The following USP24 variants were observed in gnomAD, a reference collection of about 807,000 sequenced individuals.
USP24 encodes ubiquitin carboxyl-terminal hydrolase 24.
USP24 carries 97 observed loss-of-function variants against 361.6 expected under a neutral mutation model. The observed-to-expected ratio is 0.27, with a 90% CI of 0.23 to 0.32. The LOEUF is 0.32. Among genes scored for constraint, USP24 ranks in the 10% least tolerant of loss-of-function variants. USP24 has a pLI of 1.00. For synonymous variants in USP24, 1,098 were observed against 1,124.6 expected, an observed-to-expected ratio of 0.98 and a Z score of 0.47; for missense variants, 2,353 against 3,165.6, an observed-to-expected ratio of 0.74 and a Z score of 6.16.
chr1:55,213,004 A>G lies in USP24; in HGVS notation c.324+1786T>C, dbSNP rs1307932308. ...TAATGTTAACATGAATGCACCAAGC[A>G]TTGTAATTTAAATTGATTTTCCAAT... On this transcript the variant is annotated intron_variant, in intron 1 of 67. Transcript: ENST00000294383. 4.6e-5 allele frequency among the ~76,000 whole-genome samples: 7 copies of G among 152,256 alleles called. No homozygotes were observed. In the East Asian group the frequency reaches 1.3e-3, roughly 29 times the overall value.
Position 55,079,579 on chromosome 1 carries a change from C to A in USP24, c.7159G>T (p.Ala2387Ser), listed in dbSNP as rs760830241. 6.4e-7 allele frequency: 1 copy of A among 1,572,780 alleles called. No individual in the cohort carries two copies. Among genetic ancestry groups the A allele is most frequent in the Non-Finnish European group, 8.6e-7 (1 of 1,166,102 alleles). The change falls in exon 60 of 68, where the codon GCC becomes TCC. Residue 2387 changes from alanine (A) to serine (S), a missense_variant. Physicochemically the swap from Ala to Ser is moderately conservative, Grantham distance 99. Around this residue, in one of 8 missense-constraint regions of USP24, gnomAD observed 598 missense variants for 761.9 expected, o/e 0.78. Transcript: ENST00000294383. ...PLLPLHEEVE[A>S]LLFMSEGKPY... ...TTCCCTTCAGACATGAACAACAAGG[C>A]TTCTACCTCCTCATGGAGGGGCAAC...
intron 51 of USP24, among the ~76,000 whole-genome samples, chr1:55,094,402 C>T (rs797013480): frequency 3.9e-5 from 6 of 151,990 alleles, no homozygotes; most frequent in African/African-American, 1.4e-4. Flanking sequence ...TGAATTCTTC[C>T]TTCATATTAT....
chr1:55,130,696 C>T (rs553126700), intron 31 of USP24, among the ~76,000 whole-genome samples: 3 of 152,242 alleles, frequency 2.0e-5, no homozygotes, highest in Non-Finnish European at 4.4e-5. Context: ...TATAGCTCTT[C>T]GTCTACATGG....
At chr1:55,121,051 A>T (rs1646265996) in intron 37 of USP24, among the ~76,000 whole-genome samples, 1 of 152,252 alleles carries the variant, frequency 6.6e-6, no homozygotes, top group Admixed American at 6.5e-5. Context: ...CCTCAAGGTC[A>T]TGTAAGAATG....
chr1:55,073,774 T>C (rs1644966820), intron 64 of USP24, 54 bp downstream of exon 64: 2 of 1,490,608 alleles, frequency 1.3e-6, no homozygotes, highest in South Asian at 1.2e-5. Context: ...TCTGCTCATA[T>C]GTGACTTGTA....
intron 23 of USP24, 92 bp from the exon 24 acceptor site, chr1:55,141,823 C>A: frequency 1.8e-6 from 2 of 1,109,308 alleles, no homozygotes; most frequent in Non-Finnish European, 2.7e-6. Context: ...TTGCAGAGGG[C>A]TGTCCTGGGC....
Position 55,144,188 on chromosome 1 carries a change from T to C in USP24, c.2378A>G (p.Lys793Arg), listed in dbSNP as rs1399399309. ...EITMNGFNLF[K>R]TFFENVNLCD... Reference sequence around the variant, plus strand: ...AAGATTCACATTTTCAAAAAAAGTTTTAAATAAGTTAAAACCTGTAATTAT... The same window carrying C: ...AAGATTCACATTTTCAAAAAAAGTTCTAAATAAGTTAAAACCTGTAATTAT... The change falls in exon 21 of 68, where the codon AAA becomes AGA. Residue 793 changes from lysine (K) to arginine (R), a missense_variant. This residue lies in a region of USP24 where 949 missense variants were observed against 1,280.5 expected (regional missense o/e 0.74). Transcript: ENST00000294383. 1 of 1,598,458 alleles carries C rather than the reference T, an allele frequency of 6.3e-7. No homozygotes were observed. Among genetic ancestry groups the C allele is most frequent in the Non-Finnish European group, 8.5e-7 (1 of 1,171,266 alleles).
At chr1:55,120,152 T>G (rs1646238411) in intron 38 of USP24, among the ~76,000 whole-genome samples, 1 of 152,168 alleles carries the variant, frequency 6.6e-6, no homozygotes, top group South Asian at 2.1e-4. Context: ...CTCATGAGTT[T>G]GGACTACAAG....
intron 16 of USP24, chr1:55,151,808 T>C: frequency 1.2e-6 from 1 of 807,420 alleles, no homozygotes; most frequent in East Asian, 1.3e-4. Flanking sequence ...CAGTGGAACT[T>C]GGGAATTTTA....
chr1:55,082,425 G>GT (rs1346159646), intron 58 of USP24, among the ~76,000 whole-genome samples: 3 of 152,178 alleles, frequency 2.0e-5, no homozygotes, highest in Non-Finnish European at 4.4e-5. Context: ...AGCATTTCAT[G>GT]TATTTTGAAT....
At chr1:55,186,223 G>GGACAA (rs1447178198) in intron 1 of USP24, among the ~76,000 whole-genome samples, 1 of 152,130 alleles carries the variant, frequency 6.6e-6, no homozygotes, top group Non-Finnish European at 1.5e-5. Flanking sequence ...TATTAAAAAT[G>GGACAA]GACAAGGAAA....
chr1:55,073,112 A>G, intron 64 of USP24: 1 of 474,446 alleles, frequency 2.1e-6, no homozygotes, highest in East Asian at 3.4e-5. Context: ...CAGAAGATGA[A>G]AAGAGTTCTG....
At chr1:55,163,667 A>G (rs1370473246) in intron 7 of USP24, among the ~76,000 whole-genome samples, 1 of 152,126 alleles carries the variant, frequency 6.6e-6, no homozygotes, top group Non-Finnish European at 1.5e-5. Flanking sequence ...GCTTTTTAGA[A>G]AGACATTTAG....
chr1:55,078,691 A>C, intron 60 of USP24, 40 bp from the exon 61 acceptor site: 6 of 1,485,120 alleles, frequency 4.0e-6, no homozygotes, highest in South Asian at 1.2e-5. Flanking sequence ...TTCTCATGTC[A>C]CAGTTAACAC....
intron 62 of USP24, 144 bp from the exon 63 acceptor site, chr1:55,075,667 ACC>A (rs61579636): frequency 0.13 from 78,603 of 585,898 alleles, 5,335 homozygotes; most frequent in East Asian, 0.2. Flanking sequence ...CAACAACAAC[ACC>A]ACCACCACCA....
At chr1:55,194,265 C>T (rs1557695208) in intron 1 of USP24, among the ~76,000 whole-genome samples, 1 of 152,180 alleles carries the variant, frequency 6.6e-6, no homozygotes, top group South Asian at 2.1e-4. Flanking sequence ...TCTAACAGAT[C>T]TAATTGTTGA....
At chr1:55,104,530 A>G (rs1169534405) in intron 41 of USP24, among the ~76,000 whole-genome samples, 1 of 152,240 alleles carries the variant, frequency 6.6e-6, no homozygotes, top group African/African-American at 2.4e-5. Context: ...CACAAAAGAT[A>G]ACTAGCAAGC....
At chr1:55,070,788 C>T (rs775241215) in intron 67 of USP24, among the ~76,000 whole-genome samples, 8 of 152,028 alleles carry the variant, frequency 5.3e-5, no homozygotes, top group Admixed American at 1.3e-4. Context: ...CAGGGTGGAG[C>T]GTTCTGGATA....
In USP24 at chr1:55,185,481, C is replaced by A. The variant is rs115811829; in HGVS notation, c.325-7349G>T. Among the ~76,000 whole-genome samples, 590 of 151,814 alleles carry A rather than the reference C, an allele frequency of 3.9e-3. 5 individuals carry two copies. Among genetic ancestry groups the A allele is most frequent in the African/African-American group, 0.013 (546 of 41,414 alleles). ...AAAAAATTTAAAAAAAAGGGACAAA[C>A]CTTCAACTAGACTGACAAAGAGAAA... On this transcript the variant is annotated intron_variant, in intron 1 of 67. Transcript: ENST00000294383.
Sources: allele counts gnomAD v4.1 joint callset (sites outside exome capture counted in the v4.1 genomes callset), GRCh38; gene constraint gnomAD v4.1.1; regional missense constraint gnomAD v4.1.1; transcripts MANE v1.5; gene names NCBI Gene and HGNC (gene_info 2026-07-23, HGNC 2026-07-21).